Variants in RPH3A observed in about 807,000 individuals in gnomAD.
The protein encoded by RPH3A is rabphilin 3A, also known as rabphilin-3A.
RPH3A carries 48 observed loss-of-function variants against 102.2 expected under a neutral mutation model. The ratio of observed to expected loss-of-function variants is 0.47; its 90% CI spans 0.37 to 0.60. The LOEUF (loss-of-function observed/expected upper bound fraction) is 0.60, where lower values mean the gene tolerates loss of function less well. Ranked by LOEUF, RPH3A falls within the 20% of genes least tolerant of loss-of-function variation. The pLI, the probability that RPH3A is intolerant of heterozygous loss-of-function variation, is 0.00. For missense variants in RPH3A, 781 were observed against 910.1 expected, an observed-to-expected ratio of 0.86 and a Z score of 1.83; for synonymous variants, 310 against 324.3, an observed-to-expected ratio of 0.96 and a Z score of 0.47.
intron 2 of RPH3A, among the ~76,000 whole-genome samples, chr12:112,793,740 T>C (rs1471397781): frequency 1.3e-5 from 2 of 152,206 alleles, no homozygotes; most frequent in African/African-American, 2.4e-5. Context: ...CTATGGGTGA[T>C]ATTTAAAGTA....
At chr12:112,650,006 G>A (rs901836794) in intron 1 of RPH3A, among the ~76,000 whole-genome samples, 10 of 152,116 alleles carry the variant, frequency 6.6e-5, no homozygotes, top group Non-Finnish European at 8.8e-5. Flanking sequence ...CCTAGGGTTG[G>A]GACTTCAACA....
At chr12:112,706,697 A>G (rs1369442613) in intron 1 of RPH3A, among the ~76,000 whole-genome samples, 1 of 152,210 alleles carries the variant, frequency 6.6e-6, no homozygotes, top group East Asian at 1.9e-4. Context: ...AGTAACAGAA[A>G]AGAAATCTGT....
chr12:112,610,506 T>TAA (rs574202389), intron 1 of RPH3A, among the ~76,000 whole-genome samples: 4 of 95,428 alleles, frequency 4.2e-5, no homozygotes, highest in Non-Finnish European at 6.4e-5. Flanking sequence ...CTGTCTCAAT[T>TAA]AAAAAAAAAA....
intron 1 of RPH3A, among the ~76,000 whole-genome samples, chr12:112,585,540 G>C (rs1566217406): frequency 1.3e-5 from 2 of 152,146 alleles, no homozygotes; most frequent in Non-Finnish European, 1.5e-5. Context: ...TTCGAGACCA[G>C]CCTGGCCAAC....
At chr12:112,780,965 C>T (rs1298454025) in intron 1 of RPH3A, among the ~76,000 whole-genome samples, 1 of 151,998 alleles carries the variant, frequency 6.6e-6, no homozygotes, top group Non-Finnish European at 1.5e-5. Flanking sequence ...ACCAGCCTGG[C>T]CAACATGGTG....
intron 1 of RPH3A, among the ~76,000 whole-genome samples, chr12:112,728,631 G>C (rs974115483): frequency 6.6e-6 from 1 of 152,132 alleles, no homozygotes; most frequent in Non-Finnish European, 1.5e-5. Context: ...CACCTTGGAG[G>C]TGGCAGAGTG....
intron 1 of RPH3A, among the ~76,000 whole-genome samples, chr12:112,609,108 A>T (rs982854066): frequency 4.6e-5 from 7 of 152,160 alleles, no homozygotes; most frequent in Admixed American, 1.3e-4. Flanking sequence ...ATCCTCACAG[A>T]CTGTTTCTTA....
chr12:112,801,683 C>T lies in RPH3A; in HGVS notation c.-19+9420C>T, dbSNP rs180680468. 1.3e-3 allele frequency among the ~76,000 whole-genome samples: 199 copies of T among 152,198 alleles called. 1 individual carries two copies. The highest frequency in any genetic ancestry group is 3.9e-3 in the African/African-American group (164 of 41,520). ...GATTAGAAGAATCTTTGTTAGGGTG[C>T]GAGATGATGAGAGTTGAGTTATTTT... On this transcript the variant is annotated intron_variant, in intron 2 of 21. Coordinates refer to ENST00000389385, the MANE Select transcript of RPH3A (RefSeq NM_001143854.2).
intron 1 of RPH3A, among the ~76,000 whole-genome samples, chr12:112,761,782 A>G (rs1235208065): frequency 1.3e-5 from 2 of 152,228 alleles, no homozygotes; most frequent in Non-Finnish European, 2.9e-5. Context: ...GCTGTCTTGC[A>G]TGATGAAACC....
chr12:112,717,660 TG>T (rs2040523037), intron 1 of RPH3A, among the ~76,000 whole-genome samples: 1 of 152,134 alleles, frequency 6.6e-6, no homozygotes, highest in Non-Finnish European at 1.5e-5. Context: ...GTTTCCAGTT[TG>T]GGGTAACTGT....
At chr12:112,753,630 G>C (rs952040954) in intron 1 of RPH3A, among the ~76,000 whole-genome samples, 4 of 152,180 alleles carry the variant, frequency 2.6e-5, no homozygotes, top group African/African-American at 9.7e-5. Context: ...CCTTTCTCTT[G>C]TTAGACCCAG....
At chr12:112,843,326 A>G (rs1593071112) in intron 4 of RPH3A, among the ~76,000 whole-genome samples, 1 of 152,222 alleles carries the variant, frequency 6.6e-6, no homozygotes, top group Non-Finnish European at 1.5e-5. Context: ...GGAGGCTTGC[A>G]GGTTCCCACT....
At chr12:112,786,315 A>T (rs2041050657) in intron 1 of RPH3A, among the ~76,000 whole-genome samples, 1 of 152,164 alleles carries the variant, frequency 6.6e-6, no homozygotes, top group African/African-American at 2.4e-5. Context: ...TCCTTGTGGG[A>T]AGGGATTTGT....
intron 1 of RPH3A, among the ~76,000 whole-genome samples, chr12:112,741,117 T>C (rs2040705897): frequency 6.6e-6 from 1 of 152,182 alleles, no homozygotes; most frequent in East Asian, 1.9e-4. Context: ...CCAGATGTTC[T>C]GGCAACTTCT....
chr12:112,714,392 G>A (rs2040500409), intron 1 of RPH3A, among the ~76,000 whole-genome samples: 1 of 152,152 alleles, frequency 6.6e-6, no homozygotes, highest in South Asian at 2.1e-4. Flanking sequence ...GTGCGTGCAG[G>A]AGCCAGGCCT....
At chr12:112,708,925 A>G (rs1233913754) in intron 1 of RPH3A, among the ~76,000 whole-genome samples, 1 of 152,196 alleles carries the variant, frequency 6.6e-6, no homozygotes, top group Admixed American at 6.5e-5. Flanking sequence ...ACTCTATCAC[A>G]GATTTGATTT....
chr12:112,837,766 G>A (rs1476412833), intron 4 of RPH3A: 3 of 455,852 alleles, frequency 6.6e-6, no homozygotes, highest in Non-Finnish European at 1.3e-5. Context: ...ACTCCAAAAG[G>A]TCTCAGGGTT....
At chr12:112,742,697 A>T (rs2040718248) in intron 1 of RPH3A, among the ~76,000 whole-genome samples, 1 of 152,186 alleles carries the variant, frequency 6.6e-6, no homozygotes, top group Non-Finnish European at 1.5e-5. Flanking sequence ...GCTGCACCTG[A>T]CATCCCAGCA....
At chr12:112,722,279 A>T (rs2040556782) in intron 1 of RPH3A, among the ~76,000 whole-genome samples, 2 of 152,202 alleles carry the variant, frequency 1.3e-5, no homozygotes, top group South Asian at 4.1e-4. Context: ...CTCTTCAGAG[A>T]TGGTGTCCTG....
Sources: gnomAD v4.1 joint callset for allele counts (sites outside exome capture counted in the v4.1 genomes callset) on GRCh38, gnomAD v4.1.1 for gene constraint, MANE v1.5 for transcripts, NCBI Gene and HGNC (gene_info 2026-07-23, HGNC 2026-07-21) for gene names.